Variants in FGD4 observed in about 807,000 individuals in gnomAD.
The protein encoded by FGD4 is FYVE, RhoGEF and PH domain containing 4, also known as FYVE, RhoGEF and PH domain-containing protein 4.
A neutral mutation model predicts 102.0 loss-of-function variants in FGD4; 42 were observed. The ratio of observed to expected loss-of-function variants is 0.41; its 90% CI spans 0.32 to 0.53. The LOEUF (loss-of-function observed/expected upper bound fraction) is 0.53, where lower values mean the gene tolerates loss of function less well. Ranked by LOEUF, FGD4 falls within the 20% of genes least tolerant of loss-of-function variation. The pLI, the probability that FGD4 is intolerant of heterozygous loss-of-function variation, is 0.21. For missense variants in FGD4, 902 were observed against 1,078.2 expected (o/e 0.84, Z 2.29); for synonymous variants, 380 against 375.7 (o/e 1.01, Z -0.13).
intron 1 of FGD4, among the ~76,000 whole-genome samples, chr12:32,548,765 T>A (rs1943426583): frequency 6.6e-6 from 1 of 152,224 alleles, no homozygotes. Flanking sequence ...GCATCCTGGG[T>A]CCTGCCCTAC....
At chr12:32,625,870 A>G in intron 14 of FGD4, 91 bp downstream of exon 14, 1 of 1,544,738 alleles carries the variant, frequency 6.5e-7, no homozygotes, top group South Asian at 1.1e-5. Context: ...AATGACTTTC[A>G]ACAAATCACT....
chr12:32,437,629 G>A (rs1430593354), intron 1 of FGD4, among the ~76,000 whole-genome samples: 2 of 152,220 alleles, frequency 1.3e-5, no homozygotes, highest in African/African-American at 4.8e-5. Flanking sequence ...GTCTTAGAAA[G>A]TAATGTTATA....
At chr12:32,628,862 A>G (rs1950335203) in intron 14 of FGD4, among the ~76,000 whole-genome samples, 1 of 152,142 alleles carries the variant, frequency 6.6e-6, no homozygotes. Context: ...TTTTCCTGGG[A>G]TCTGAGATAA....
At position 32,625,273 on chromosome 12, in the gene FGD4, T is replaced by A. The variant is rs868032882; in HGVS notation, c.2046+205T>A. On this transcript the variant is annotated intron_variant, in intron 13 of 16. Coordinates refer to ENST00000534526, the MANE Select transcript of FGD4 (RefSeq NM_001370298.3). Reference sequence around the variant, plus strand: ...CTTCTTTGAATTTTTCTTATTCTTTTTTTTTTTTTTTTTTTTAACAGAGTC... The same window carrying A: ...CTTCTTTGAATTTTTCTTATTCTTTATTTTTTTTTTTTTTTTAACAGAGTC... Among the ~76,000 whole-genome samples, 1,451 of 140,948 alleles carry A rather than the reference T, an allele frequency of 0.01. 24 individuals are homozygous for A. Among genetic ancestry groups the A allele is most frequent in the East Asian group, 0.033 (172 of 5,136 alleles). The allele number at this position is 140,948 out of a possible 152,430, so 92.5% of individuals were successfully genotyped here.
rs1295835098 is a variant in FGD4, at chr12:32,506,482, C to T, written c.167-57655C>T. Among the ~76,000 whole-genome samples the T allele has an allele frequency of 1.3e-5, 2 of 152,136 alleles. No homozygotes were observed. The highest frequency in any genetic ancestry group is 4.8e-5 in the African/African-American group (2 of 41,422). On this transcript the variant is annotated intron_variant, in intron 1 of 16. Coordinates refer to ENST00000534526, the MANE Select transcript of FGD4 (RefSeq NM_001370298.3). The surrounding 1 kb of genome is among the most constrained non-coding windows in gnomAD (Gnocchi z 4.5). ...GAGCCTGAGGAACGACTATGGTCCA[C>T]TCTAGGACATATCTGTCACCTGGGC...
intron 14 of FGD4, among the ~76,000 whole-genome samples, chr12:32,629,814 A>G (rs1257065170): frequency 1.3e-5 from 2 of 152,294 alleles, no homozygotes; most frequent in South Asian, 2.1e-4. Context: ...TATGTTTTCA[A>G]ACATTTCTTA....
chr12:32,489,049 C>T (rs1944005721), intron 1 of FGD4, among the ~76,000 whole-genome samples: 1 of 152,144 alleles, frequency 6.6e-6, no homozygotes, highest in African/African-American at 2.4e-5. Context: ...GTCTGAAAAC[C>T]ACAGTAGTAC....
chr12:32,506,999 T>G lies in FGD4; in HGVS notation c.167-57138T>G, dbSNP rs10844224. The stretch of plus-strand genomic sequence containing the variant: ...AACGTGCAGGTTAGTTACATATGTA[T>G]ACATGTGTCATGCTGGTGTGCTGCA... On this transcript the variant is annotated intron_variant, in intron 1 of 16. Coordinates refer to ENST00000534526, the MANE Select transcript of FGD4 (RefSeq NM_001370298.3). This position sits in a 1 kb window ranked among gnomAD's most constrained non-coding sequence, Gnocchi z 4.5. 0.24 allele frequency among the ~76,000 whole-genome samples: 36,828 copies of G among 151,738 alleles called. 5,338 individuals are homozygous for G. The highest frequency in any genetic ancestry group is 0.43 in the Middle Eastern group (126 of 292).
intron 4 of FGD4, among the ~76,000 whole-genome samples, chr12:32,583,989 T>C (rs890852408): frequency 1.2e-4 from 18 of 152,268 alleles, no homozygotes; most frequent in African/African-American, 4.1e-4. Context: ...TTGGTGATGA[T>C]GCCTATGGTT....
chr12:32,454,081 A>C (rs569760897), intron 1 of FGD4, among the ~76,000 whole-genome samples: 1 of 152,064 alleles, frequency 6.6e-6, no homozygotes, highest in African/African-American at 2.4e-5. Context: ...AAAAAAAAAA[A>C]GGTTTATTTC....
At chr12:32,437,345 C>T (rs1177040891) in intron 1 of FGD4, among the ~76,000 whole-genome samples, 5 of 152,142 alleles carry the variant, frequency 3.3e-5, no homozygotes. Context: ...AGCTGGGACA[C>T]CCATAAAAGA....
At chr12:32,637,507 A>C (rs1950906790) in intron 15 of FGD4, 1 of 152,014 alleles carries the variant, frequency 6.6e-6, no homozygotes, top group Non-Finnish European at 1.5e-5. Flanking sequence ...GAGGCAGGAG[A>C]ATGGTGAGAA....
At chr12:32,534,410 G>A (rs1263880154) in intron 1 of FGD4, 5 of 1,507,404 alleles carry the variant, frequency 3.3e-6, no homozygotes, top group Non-Finnish European at 4.4e-6. Context: ...TTTATCACAT[G>A]AACTTTAAAA....
intron 1 of FGD4, among the ~76,000 whole-genome samples, chr12:32,467,908 C>T (rs1393116176): frequency 9.9e-5 from 15 of 152,030 alleles, no homozygotes; most frequent in Admixed American, 7.2e-4. Context: ...CCCAGCTACT[C>T]GGGAGGCTGA....
At chr12:32,623,757 G>A (rs1222952115) in intron 11 of FGD4, among the ~76,000 whole-genome samples, 2 of 152,260 alleles carry the variant, frequency 1.3e-5, no homozygotes, top group South Asian at 4.1e-4. Flanking sequence ...AGGAAATAAA[G>A]TTTGCCTTAT....
chr12:32,606,324 T>TA (rs1371432642), intron 7 of FGD4, among the ~76,000 whole-genome samples: 1 of 152,136 alleles, frequency 6.6e-6, no homozygotes, highest in Non-Finnish European at 1.5e-5. Flanking sequence ...CACACTGCAG[T>TA]AGATTAATCT....
chr12:32,582,069 TC>T lies in FGD4; in HGVS notation c.616del (p.Gln206SerfsTer25), dbSNP rs2136432373. On this transcript the variant is annotated frameshift_variant, in exon 4 of 17. Coordinates refer to ENST00000534526, the MANE Select transcript of FGD4 (RefSeq NM_001370298.3). LOFTEE classifies it high-confidence loss of function. ...AACCACACCTCAACAAAAACTCCTC[TC>T]CCAGCACTTGCCACAGAGGCAGGGA... Reference protein sequence around the residue: ...LTTTPQQKLLSQHLPQRQGND... With the variant: ...LTTTPQQKLLXQHLPQRQGND... 1 of 1,614,106 alleles carries T rather than the reference TC, an allele frequency of 6.2e-7. No homozygotes were observed.
intron 1 of FGD4, among the ~76,000 whole-genome samples, chr12:32,527,978 T>C (rs1941430439): frequency 6.6e-6 from 1 of 151,616 alleles, no homozygotes; most frequent in Admixed American, 6.6e-5. Context: ...TTCTTTTTCT[T>C]TTTTTGGTGA....
chr12:32,547,862 A>G (rs1457169712), intron 1 of FGD4, among the ~76,000 whole-genome samples: 1 of 152,024 alleles, frequency 6.6e-6, no homozygotes, highest in African/African-American at 2.4e-5. Context: ...ACCCGCCACC[A>G]CACCCAGCTA....
Sources: gnomAD v4.1 joint callset for allele counts (sites outside exome capture counted in the v4.1 genomes callset) on GRCh38, gnomAD v4.1.1 for gene constraint, Gnocchi (gnomAD v3.1) non-coding constraint, MANE v1.5 for transcripts, NCBI Gene and HGNC (gene_info 2026-07-23, HGNC 2026-07-21) for gene names.